Variants in PLD3 observed in about 807,000 individuals in gnomAD.
PLD3 encodes 5'-3' exonuclease PLD3.
In PLD3, 31 loss-of-function variants were observed where a neutral mutation model predicts 58.4. The ratio of observed to expected loss-of-function variants is 0.53; its 90% CI spans 0.40 to 0.72. The LOEUF (loss-of-function observed/expected upper bound fraction) is 0.72. Among genes scored for constraint, PLD3 ranks in the 30% least tolerant of loss-of-function variants. PLD3 has a pLI of 0.00. For synonymous variants in PLD3, 264 were observed against 273.4 expected, an observed-to-expected ratio of 0.97 and a Z score of 0.34; for missense variants, 595 against 659.8, an observed-to-expected ratio of 0.90 and a Z score of 1.08.
intron 1 of PLD3, chr19:40,359,608 C>G (rs2078732199): frequency 1.3e-5 from 2 of 152,290 alleles, no homozygotes; most frequent in African/African-American, 2.4e-5. Context: ...AGGCTAGGAT[C>G]TGGTGATGGG....
At chr19:40,354,067 G>GC (rs1203467166) in intron 1 of PLD3, among the ~76,000 whole-genome samples, 2 of 103,118 alleles carry the variant, frequency 1.9e-5, no homozygotes. Context: ...CTATTTTTTA[G>GC]CCTTTTTTTT....
chr19:40,351,464 G>C lies in PLD3; in HGVS notation c.-279+2696G>C, dbSNP rs536748701. 3.7e-4 allele frequency among the ~76,000 whole-genome samples: 57 copies of C among 152,160 alleles called. No homozygotes were observed. The South Asian group carries it at 0.011, about 29-fold the overall frequency. The stretch of plus-strand genomic sequence containing the variant: ...GGAGGCTGAGGCAGGAGAATCGCTT[G>C]AACCAGGGAGGCGGAGGTTGCAGTG... On this transcript the variant is annotated intron_variant, in intron 1 of 12. Coordinates refer to ENST00000409735, the MANE Select transcript of PLD3 (RefSeq NM_012268.4).
In PLD3 at chr19:40,378,347, C is replaced by G. The variant is rs1287921172; in HGVS notation, c.*174C>G. 5.5e-6 allele frequency: 4 copies of G among 726,990 alleles called. No homozygotes were observed. Among genetic ancestry groups the G allele is most frequent in the South Asian group, 1.5e-5 (1 of 68,162 alleles). 45.0% of individuals were successfully genotyped at this position (726,990 alleles called of 1,614,324 possible). A position where few individuals can be genotyped will look rare whatever the true frequency, so the allele number is the denominator to read the frequency against. ...CCCCCACCGGCCTGACGCTGTGGCC[C>G]CGGGACCCAGCAGAGCTGGGGGAGG... On this transcript the variant is annotated 3_prime_UTR_variant, in exon 13 of 13. Coordinates refer to ENST00000409735, the MANE Select transcript of PLD3 (RefSeq NM_012268.4).
chr19:40,375,735 G>GGCTCAAA (rs532987120), intron 10 of PLD3, among the ~76,000 whole-genome samples: 3 of 151,846 alleles, frequency 2.0e-5, no homozygotes, highest in Non-Finnish European at 4.4e-5. Flanking sequence ...GCACTTGTGG[G>GGCTCAAA]GCTCAAAGAA....
Position 40,353,378 on chromosome 19 carries a change from C to T in PLD3, c.-279+4610C>T, listed in dbSNP as rs551429397. On this transcript the variant is annotated intron_variant, in intron 1 of 12. Transcript: ENST00000409735. ...CTGGAAGATGGAGGTTGCTTTGAGC[C>T]GAGATCCTGCCACTGCACTCCAGTC... Among the ~76,000 whole-genome samples, 15 of 151,940 alleles carry T rather than the reference C, an allele frequency of 9.9e-5. No homozygotes were observed. The East Asian group carries it at 2.3e-3, about 24-fold the overall frequency.
At chr19:40,365,318 T>A (rs560003373) in intron 1 of PLD3, among the ~76,000 whole-genome samples, 4 of 152,314 alleles carry the variant, frequency 2.6e-5, no homozygotes, top group African/African-American at 7.2e-5. Context: ...TAAATTTTTT[T>A]AAATCCCTAC....
chr19:40,376,381 G>T, intron 10 of PLD3: 1 of 472,478 alleles, frequency 2.1e-6, no homozygotes, highest in Non-Finnish European at 3.7e-6. Flanking sequence ...GAATAAAAGA[G>T]GATGACAACA....
intron 1 of PLD3, among the ~76,000 whole-genome samples, chr19:40,354,131 T>G (rs1274483055): frequency 7.0e-6 from 1 of 142,110 alleles, no homozygotes; most frequent in Non-Finnish European, 1.5e-5. Context: ...TGGAGTGCAG[T>G]GGCGCGATCT....
chr19:40,376,342 C>G (rs377482561), intron 10 of PLD3: 42 of 407,212 alleles, frequency 1.0e-4, no homozygotes, highest in Non-Finnish European at 1.8e-4. Flanking sequence ...GCAACAAGAG[C>G]GAAATTCCAC....
rs758344658 is a variant in PLD3, at chr19:40,374,558, G to A, written c.957G>A (p.Arg319=). Residue 319 remains arginine (R), a synonymous_variant, in exon 10 of 13, where the codon CGG becomes CGA. Coordinates refer to ENST00000409735, the MANE Select transcript of PLD3 (RefSeq NM_012268.4). ...TACTCAACGTGGTGGACAATGCCCG[G>A]AGTTTCATCTACGTCGCTGTCATGA... ...KALLNVVDNA[R]SFIYVAVMNY... is the part of the protein sequence containing the mutation. 6.2e-7 allele frequency: 1 copy of A among 1,614,160 alleles called. No homozygotes were observed. The highest frequency in any genetic ancestry group is 1.1e-5 in the South Asian group (1 of 91,082).
At position 40,366,764 on chromosome 19, in the gene PLD3, T is replaced by C; in HGVS notation, c.103-9T>C. 1 of 1,613,882 alleles carries C rather than the reference T, an allele frequency of 6.2e-7. No individual in the cohort carries two copies. Among genetic ancestry groups the C allele is most frequent in the Non-Finnish European group, 8.5e-7 (1 of 1,179,884 alleles). On this transcript the variant is annotated splice_polypyrimidine_tract_variant and intron_variant, in intron 4 of 12. Coordinates refer to ENST00000409735, the MANE Select transcript of PLD3 (RefSeq NM_012268.4). ...CTCGGGCTGGCTGACCACCTCCTCC[T>C]CCCCACAGAAAGCCCGCTGGGTCCT... is the stretch of plus-strand genomic sequence containing the variant.
At chr19:40,354,182 C>T (rs535548696) in intron 1 of PLD3, among the ~76,000 whole-genome samples, 146 of 151,270 alleles carry the variant, frequency 9.7e-4, no homozygotes, top group African/African-American at 3.3e-3. Flanking sequence ...CAAGCGATTC[C>T]CCTGCCTCAG....
At chr19:40,366,580 T>G (rs777031566) in intron 3 of PLD3, 30 bp from the exon 4 acceptor site, 1 of 1,583,268 alleles carries the variant, frequency 6.3e-7, no homozygotes, top group East Asian at 2.2e-5. Context: ...AAGAGCCACC[T>G]GTCACCCCCG....
intron 11 of PLD3, 43 bp from the exon 12 acceptor site, chr19:40,377,743 C>A: frequency 6.8e-7 from 1 of 1,465,056 alleles, no homozygotes; most frequent in Non-Finnish European, 9.6e-7. Context: ...CCTCCGACTC[C>A]CCCTGCCTCT....
At chr19:40,376,032 G>A (rs2079189868) in intron 10 of PLD3, among the ~76,000 whole-genome samples, 1 of 151,822 alleles carries the variant, frequency 6.6e-6, no homozygotes, top group African/African-American at 2.4e-5. Context: ...CAGCCTGGGT[G>A]ATAGAGCAAG....
At chr19:40,351,873 C>T (rs1600251835) in intron 1 of PLD3, among the ~76,000 whole-genome samples, 1 of 152,284 alleles carries the variant, frequency 6.6e-6, no homozygotes, top group East Asian at 1.9e-4. Flanking sequence ...GAACTTCTAC[C>T]CAGGATCGAC....
chr19:40,349,075 C>A (rs965043549), intron 1 of PLD3, among the ~76,000 whole-genome samples: 6 of 151,982 alleles, frequency 3.9e-5, no homozygotes, highest in African/African-American at 1.5e-4. Context: ...TCCCTGTAAG[C>A]CCTCTTTGCC....
intron 1 of PLD3, chr19:40,357,628 G>C (rs1309499860): frequency 6.6e-6 from 1 of 152,128 alleles, no homozygotes; most frequent in African/African-American, 2.4e-5. Context: ...TAGGTATAGA[G>C]AGACATCTAA....
chr19:40,364,835 G>A (rs971594641), intron 1 of PLD3, among the ~76,000 whole-genome samples: 1 of 150,800 alleles, frequency 6.6e-6, no homozygotes, highest in African/African-American at 2.4e-5. Flanking sequence ...ATGGTGGCAC[G>A]TGCCTGTAGT....
Sources: gnomAD v4.1 joint callset for allele counts (sites outside exome capture counted in the v4.1 genomes callset) on GRCh38, gnomAD v4.1.1 for gene constraint, MANE v1.5 for transcripts, NCBI Gene and HGNC (gene_info 2026-07-23, HGNC 2026-07-21) for gene names.